Variants in DCAF17 observed in about 807,000 individuals in gnomAD.
DCAF17 encodes DDB1 and CUL4 associated factor 17.
DCAF17 carries 48 observed loss-of-function variants against 66.0 expected under a neutral mutation model. The ratio of observed to expected loss-of-function variants is 0.73; its 90% confidence interval spans 0.58 to 0.92. The LOEUF (loss-of-function observed/expected upper bound fraction) is 0.92, where lower values mean the gene tolerates loss of function less well. Ranked by LOEUF, DCAF17 falls within the 40% of genes least tolerant of loss-of-function variation. The pLI, the probability that DCAF17 is intolerant of heterozygous loss-of-function variation, is 0.00. For synonymous variants in DCAF17, 206 were observed against 214.6 expected, an observed-to-expected ratio of 0.96 and a Z score of 0.35; for missense variants, 562 against 622.8, an observed-to-expected ratio of 0.90 and a Z score of 1.04.
chr2:171,475,080 C>T (rs2105805916), intron 10 of DCAF17, among the ~76,000 whole-genome samples: 1 of 152,288 alleles, frequency 6.6e-6, no homozygotes, highest in African/African-American at 2.4e-5. Context: ...GTCCGAAAGA[C>T]CCTCCTTCAA....
chr2:171,435,768 C>T lies in DCAF17; in HGVS notation c.230+582C>T, dbSNP rs573504634. ...TCCTTTTGCATGACCTCTTTTAAAG[C>T]ATATTCTAAACATACATCAGTTTGC... On this transcript the variant is annotated intron_variant, in intron 2 of 13. Transcript: ENST00000375255. 7.2e-5 allele frequency among the ~76,000 whole-genome samples: 11 copies of T among 152,224 alleles called. No individual in the cohort carries two copies. In the East Asian group the frequency reaches 2.1e-3, roughly 29 times the overall value.
intron 6 of DCAF17, among the ~76,000 whole-genome samples, chr2:171,455,296 T>C (rs1427513803): frequency 6.6e-6 from 1 of 152,212 alleles, no homozygotes; most frequent in Non-Finnish European, 1.5e-5. Context: ...CTAAGGTTAA[T>C]GGCCTCTGGC....
At chr2:171,445,952 G>C (rs1694597257) in intron 3 of DCAF17, among the ~76,000 whole-genome samples, 1 of 152,042 alleles carries the variant, frequency 6.6e-6, no homozygotes, top group Non-Finnish European at 1.5e-5. Flanking sequence ...CAAAGTGCTG[G>C]GATTATAAGT....
At chr2:171,480,361 C>T (rs1696685331) in intron 13 of DCAF17, among the ~76,000 whole-genome samples, 168 bp downstream of exon 13, 1 of 152,146 alleles carries the variant, frequency 6.6e-6, no homozygotes, top group African/African-American at 2.4e-5. Flanking sequence ...TTAAGCCTTC[C>T]TCCCCTGGGC....
chr2:171,479,317 T>C (rs544322305), intron 12 of DCAF17, among the ~76,000 whole-genome samples: 1 of 152,290 alleles, frequency 6.6e-6, no homozygotes, highest in Admixed American at 6.5e-5. Context: ...TGTACCTTCC[T>C]GTGGTCTATT....
intron 9 of DCAF17, chr2:171,472,922 G>C (rs1197820029): frequency 5.9e-6 from 2 of 337,662 alleles, no homozygotes; most frequent in East Asian, 9.9e-5. Flanking sequence ...ATATATCCAA[G>C]TTGATGTTCG....
intron 10 of DCAF17, among the ~76,000 whole-genome samples, chr2:171,474,737 A>G (rs1696418099): frequency 6.6e-6 from 1 of 152,146 alleles, no homozygotes; most frequent in South Asian, 2.1e-4. Flanking sequence ...ACATTTAAAC[A>G]CTTACAGGCA....
chr2:171,468,899 C>G lies in DCAF17; in HGVS notation c.850C>G (p.Leu284Val), dbSNP rs1696075924. ...CNIKITDMPP[L>V]LFEVSSLENA... ...TCCTGTCTCTACAGACATGCCACCACTGCTCTTTGAGGTGTCATCCCTGGA... is the reference window on the plus strand; with the variant it reads ...TCCTGTCTCTACAGACATGCCACCAGTGCTCTTTGAGGTGTCATCCCTGGA... The change falls in exon 9 of 14, where the codon CTG becomes GTG. Residue 284 changes from leucine to valine, a missense_variant. By Grantham distance (32) the Leu-to-Val change is conservative. Transcript: ENST00000375255. The G allele has an allele frequency of 6.2e-7, 1 of 1,614,128 alleles. No individual in the cohort carries two copies. The highest frequency in any genetic ancestry group is 8.5e-7 in the Non-Finnish European group (1 of 1,179,992).
chr2:171,455,620 A>G (rs1192209350), intron 6 of DCAF17, among the ~76,000 whole-genome samples: 1 of 152,192 alleles, frequency 6.6e-6, no homozygotes, highest in Non-Finnish European at 1.5e-5. Context: ...ACTAATTTCC[A>G]TTGACACAAA....
chr2:171,434,564 C>CGGCCCGCGCCTCCATG lies in DCAF17; in HGVS notation c.-7_9dup, dbSNP rs1559244771. 1 of 1,525,254 alleles carries CGGCCCGCGCCTCCATG rather than the reference C, an allele frequency of 6.6e-7. No homozygotes were observed. The allele number at this position is 1,525,254 out of a possible 1,614,324, so 94.5% of individuals were successfully genotyped here. On this transcript the variant is annotated 5_prime_UTR_variant, in exon 1 of 14. It adds an upstream start codon to the 5' untranslated region. Transcript: ENST00000375255. ...TCGGCGGCCCAGCCTACCCAGGGCC[C>CGGCCCGCGCCTCCATG]GGCCCGCGCCTCCATGGGCCCGACC...
intron 3 of DCAF17, among the ~76,000 whole-genome samples, chr2:171,447,209 A>G (rs1258971094): frequency 1.3e-5 from 2 of 151,914 alleles, no homozygotes; most frequent in Non-Finnish European, 2.9e-5. Context: ...AAAAAACACT[A>G]GCATACAAAC....
At chr2:171,437,168 G>A (rs1317672885) in intron 2 of DCAF17, among the ~76,000 whole-genome samples, 3 of 152,074 alleles carry the variant, frequency 2.0e-5, no homozygotes, top group African/African-American at 7.2e-5. Flanking sequence ...TGCAAAATTT[G>A]AGGTCATTAA....
In DCAF17 at chr2:171,483,852, G is replaced by A. The variant is rs1239843055; in HGVS notation, c.*2738G>A. On this transcript the variant is annotated 3_prime_UTR_variant, in exon 14 of 14. Transcript: ENST00000375255. ...GGGTCCCACAACTAGTCAGTGCAGA[G>A]GTGGGAAACATAACCAGATTTGTTC... The A allele has an allele frequency of 2.2e-6, 1 of 453,920 alleles. No homozygotes were observed. Among genetic ancestry groups the A allele is most frequent in the Non-Finnish European group, 4.4e-6 (1 of 226,790 alleles). 28.1% of individuals were successfully genotyped at this position (453,920 alleles called of 1,614,324 possible).
chr2:171,453,992 A>G (rs1035033763), intron 6 of DCAF17, among the ~76,000 whole-genome samples: 2 of 152,132 alleles, frequency 1.3e-5, no homozygotes, highest in Non-Finnish European at 2.9e-5. Flanking sequence ...ATTTTGTGCC[A>G]TGCACTTTGA....
intron 8 of DCAF17, among the ~76,000 whole-genome samples, chr2:171,466,520 A>G (rs1321916788): frequency 2.0e-5 from 3 of 152,050 alleles, no homozygotes; most frequent in African/African-American, 4.8e-5. Flanking sequence ...GTCCACACCC[A>G]TCATAAAATT....
At position 171,481,188 on chromosome 2, in the gene DCAF17, A is replaced by G. The variant is rs780033111; in HGVS notation, c.*74A>G. 5 of 1,578,954 alleles carry G rather than the reference A, an allele frequency of 3.2e-6. No homozygotes were observed. In the Admixed American group the frequency reaches 6.7e-5, roughly 21 times the overall value. On this transcript the variant is annotated 3_prime_UTR_variant, in exon 14 of 14. Transcript: ENST00000375255. ...GCAGCTGCGTCCAATCCATTTTATT[A>G]TCTGCATGGCACATTCTCCAGTATT...
Position 171,441,450 on chromosome 2 carries a change from C to A in DCAF17, c.231-2073C>A, listed in dbSNP as rs138041470. On this transcript the variant is annotated intron_variant, in intron 2 of 13. Transcript: ENST00000375255. ...CCAGTTAGGGCCTCAGTATCCTCAGCTGTGCTACATCCAAGGTAGATCCTC... is the reference window on the plus strand; with the variant it reads ...CCAGTTAGGGCCTCAGTATCCTCAGATGTGCTACATCCAAGGTAGATCCTC... 4.4e-3 allele frequency among the ~76,000 whole-genome samples: 670 copies of A among 152,292 alleles called. 5 individuals carry two copies. The highest frequency in any genetic ancestry group is 6.8e-3 in the Middle Eastern group (2 of 294).
intron 2 of DCAF17, among the ~76,000 whole-genome samples, chr2:171,442,841 T>C (rs1694383484): frequency 6.6e-6 from 1 of 151,798 alleles, no homozygotes; most frequent in South Asian, 2.1e-4. Context: ...GATCATGCCA[T>C]TGCACTCCAG....
chr2:171,454,281 A>G (rs1249556907), intron 6 of DCAF17, among the ~76,000 whole-genome samples: 2 of 151,404 alleles, frequency 1.3e-5, no homozygotes, highest in Non-Finnish European at 2.9e-5. Context: ...CATTATTATT[A>G]TTATTAATTT....
Sources: gnomAD v4.1 joint callset for allele counts (sites outside exome capture counted in the v4.1 genomes callset) on GRCh38, gnomAD v4.1.1 for gene constraint, MANE v1.5 for transcripts, NCBI Gene and HGNC (gene_info 2026-07-23, HGNC 2026-07-21) for gene names.